Variants in SGK1 observed in about 807,000 individuals in gnomAD.
SGK1 encodes the protein serum/glucocorticoid regulated kinase 1.
In SGK1, 26 loss-of-function variants were observed where a neutral mutation model predicts 64.2. The observed-to-expected ratio is 0.40, with a 90% CI of 0.30 to 0.56. The LOEUF (loss-of-function observed/expected upper bound fraction) is 0.56. Among genes scored for constraint, SGK1 ranks in the 20% least tolerant of loss-of-function variants. SGK1 has a pLI of 0.38. For synonymous variants in SGK1, 265 were observed against 239.7 expected (o/e 1.11, Z -0.98); for missense variants, 519 against 645.6 (o/e 0.80, Z 2.12).
chr6:134,283,583 C>CA lies in SGK1; in HGVS notation c.70-21436dup, dbSNP rs1202479487. Among the ~76,000 whole-genome samples the CA allele has an allele frequency of 4.6e-5, 7 of 152,066 alleles. No homozygotes were observed. The South Asian group carries it at 1.5e-3, about 32-fold the overall frequency. On this transcript the variant is annotated intron_variant, in intron 1 of 13. Coordinates refer to ENST00000367858, the MANE Select transcript of SGK1 (RefSeq NM_001143676.3). The stretch of plus-strand genomic sequence containing the variant: ...AGAAGTCTGGCCGGGCACAGTGACT[C>CA]ACGCCTGTAATCCCAGCACATTGGG...
chr6:134,196,607 G>A (rs865797060), intron 3 of SGK1, among the ~76,000 whole-genome samples: 1 of 152,206 alleles, frequency 6.6e-6, no homozygotes, highest in African/African-American at 2.4e-5. Flanking sequence ...ACACTACCGG[G>A]CAGTTTCCTG....
chr6:134,226,548 G>C (rs953707358), intron 2 of SGK1, among the ~76,000 whole-genome samples: 5 of 151,960 alleles, frequency 3.3e-5, no homozygotes, highest in African/African-American at 9.6e-5. Flanking sequence ...CAAATAGTTA[G>C]CTAGGTGTGG....
chr6:134,287,073 G>A (rs1777197274), intron 1 of SGK1, among the ~76,000 whole-genome samples: 1 of 152,108 alleles, frequency 6.6e-6, no homozygotes, highest in Non-Finnish European at 1.5e-5. Flanking sequence ...CTGGGTTCAA[G>A]CAATTTTCTA....
chr6:134,175,581 C>A (rs774278940), intron 3 of SGK1: 2 of 1,566,750 alleles, frequency 1.3e-6, no homozygotes, highest in Non-Finnish European at 1.7e-6. Flanking sequence ...TCCTTTTCTG[C>A]GCCTCGGCCC....
intron 1 of SGK1, among the ~76,000 whole-genome samples, chr6:134,279,103 G>C (rs902905088): frequency 6.6e-6 from 1 of 152,182 alleles, no homozygotes; most frequent in Non-Finnish European, 1.5e-5. Context: ...AGCTACTAAG[G>C]AGGTTGAAGC....
chr6:134,195,121 G>A (rs912482018), intron 3 of SGK1, among the ~76,000 whole-genome samples: 2 of 151,908 alleles, frequency 1.3e-5, no homozygotes, highest in Non-Finnish European at 2.9e-5. Flanking sequence ...ATGCCTTTTA[G>A]GACTATGGAA....
intron 3 of SGK1, among the ~76,000 whole-genome samples, chr6:134,195,482 G>T (rs1775582324): frequency 6.6e-6 from 1 of 152,166 alleles, no homozygotes; most frequent in African/African-American, 2.4e-5. Flanking sequence ...ACAGTTGTGA[G>T]GATAGGATCT....
At chr6:134,173,669 C>T (rs1775111626) in intron 5 of SGK1, 103 bp from the exon 6 acceptor site, 1 of 759,688 alleles carries the variant, frequency 1.3e-6, no homozygotes, top group Admixed American at 2.9e-5. Flanking sequence ...ATGACTGATG[C>T]AAATGACCAT....
At chr6:134,251,283 T>C (rs1489160728) in intron 2 of SGK1, among the ~76,000 whole-genome samples, 2 of 152,228 alleles carry the variant, frequency 1.3e-5, no homozygotes, top group East Asian at 3.8e-4. Context: ...TTAAATTTTG[T>C]TCCTGCTTAT....
At chr6:134,219,232 G>T (rs1004799289) in intron 2 of SGK1, among the ~76,000 whole-genome samples, 1 of 151,682 alleles carries the variant, frequency 6.6e-6, no homozygotes, top group African/African-American at 2.4e-5. Flanking sequence ...GGCTGGTCTT[G>T]AACACCTGAC....
intron 2 of SGK1, chr6:134,211,419 T>C (rs547954166): frequency 2.0e-5 from 3 of 152,630 alleles, no homozygotes; most frequent in Admixed American, 1.3e-4. Flanking sequence ...CTTTGCCTCA[T>C]TGAAATCCTG....
intron 1 of SGK1, among the ~76,000 whole-genome samples, chr6:134,313,763 C>T (rs1257329162): frequency 1.3e-5 from 2 of 152,114 alleles, no homozygotes; most frequent in Non-Finnish European, 2.9e-5. Flanking sequence ...GTAATCATGG[C>T]TATGGAAGTT....
At chr6:134,266,763 A>G (rs1331676002) in intron 1 of SGK1, among the ~76,000 whole-genome samples, 4 of 152,250 alleles carry the variant, frequency 2.6e-5, no homozygotes, top group African/African-American at 9.6e-5. Context: ...AGTCTAAATG[A>G]AACTTTAAAA....
chr6:134,240,337 C>A (rs1776424708), intron 2 of SGK1, among the ~76,000 whole-genome samples: 1 of 148,478 alleles, frequency 6.7e-6, no homozygotes, highest in African/African-American at 2.5e-5. Flanking sequence ...AGTTTAAACA[C>A]CTACAGGAGG....
Position 134,169,340 on chromosome 6 carries a change from G to A in SGK1, c.*928C>T, listed in dbSNP as rs919824194. ...TGATGGGATGAGGGAAGGATTGTAC[G>A]TATTATAACCATGTTAATTACAGTA... On this transcript the variant is annotated 3_prime_UTR_variant, in exon 14 of 14. Coordinates refer to ENST00000367858, the MANE Select transcript of SGK1 (RefSeq NM_001143676.3). 1 of 152,542 alleles carries A rather than the reference G, an allele frequency of 6.6e-6. No homozygotes were observed. Among genetic ancestry groups the A allele is most frequent in the Non-Finnish European group, 1.5e-5 (1 of 68,034 alleles). 9.4% of individuals were successfully genotyped at this position (152,542 alleles called of 1,614,324 possible). A position where few individuals can be genotyped will look rare whatever the true frequency, so the allele number is the denominator to read the frequency against.
chr6:134,212,132 C>T (rs1047228765), intron 2 of SGK1, among the ~76,000 whole-genome samples: 14 of 151,834 alleles, frequency 9.2e-5, no homozygotes, highest in African/African-American at 2.4e-4. Context: ...CGGCTCACTG[C>T]GAGCTCCGCC....
chr6:134,303,696 A>T (rs574048318), intron 1 of SGK1, among the ~76,000 whole-genome samples: 1 of 151,984 alleles, frequency 6.6e-6, no homozygotes, highest in East Asian at 1.9e-4. Flanking sequence ...AGGTGGGACC[A>T]TGACTTGAGC....
chr6:134,247,417 A>G (rs1276570401), intron 2 of SGK1, among the ~76,000 whole-genome samples: 3 of 152,132 alleles, frequency 2.0e-5, no homozygotes, highest in Non-Finnish European at 2.9e-5. Flanking sequence ...TTACCTATAT[A>G]TGGCCCTCCA....
intron 1 of SGK1, among the ~76,000 whole-genome samples, chr6:134,278,132 G>T (rs1777044462): frequency 6.6e-6 from 1 of 152,166 alleles, no homozygotes; most frequent in Admixed American, 6.5e-5. Context: ...CTGTGACTTG[G>T]AACTCTCTGT....
Sources: allele counts gnomAD v4.1 joint callset (sites outside exome capture counted in the v4.1 genomes callset), GRCh38; gene constraint gnomAD v4.1.1; transcripts MANE v1.5; gene names NCBI Gene and HGNC (gene_info 2026-07-23, HGNC 2026-07-21).